NAA10: variants seen among roughly 807,000 people sequenced by gnomAD.
The protein encoded by NAA10 is N-alpha-acetyltransferase 10, NatA catalytic subunit, also known as N-alpha-acetyltransferase 10.
Under a neutral mutation model 19.2 loss-of-function variants are expected in NAA10, and 6 were observed. That is an observed-to-expected ratio of 0.31 (90% CI 0.17 to 0.62). NAA10 has a LOEUF of 0.62. NAA10 is among the 20% of genes least tolerant of loss of function. The pLI, the probability that NAA10 is intolerant of heterozygous loss-of-function variation, is 0.83. For missense variants in NAA10, 101 were observed against 198.4 expected, an observed-to-expected ratio of 0.51 and a Z score of 2.95; for synonymous variants, 97 against 79.9, an observed-to-expected ratio of 1.21 and a Z score of -1.14.
chrX:153,933,766 G>A, intron 3 of NAA10, 177 bp downstream of exon 3: 1 of 440,940 alleles, frequency 2.3e-6, no homozygotes, highest in East Asian at 3.6e-5. Flanking sequence ...TACTAACAGA[G>A]GAAGCTGGCA....
intron 1 of NAA10, 35 bp downstream of exon 1, chrX:153,934,849 C>G: frequency 1.0e-6 from 1 of 990,664 alleles, no homozygotes. Flanking sequence ...CCGGCGCCCA[C>G]GCGGCGCGGA....
rs2148537313 is a variant in NAA10, at chrX:153,935,008, G to A, written c.-104C>T. The A allele has an allele frequency of 2.6e-6, 2 of 779,810 alleles. No individual in the cohort carries two copies. The highest frequency in any genetic ancestry group is 6.4e-5 in the South Asian group (1 of 15,668). The allele number at this position is 779,810 out of a possible 1,213,427, so 64.3% of individuals were successfully genotyped here. On this transcript the variant is annotated 5_prime_UTR_variant, in exon 1 of 8. Coordinates refer to ENST00000464845, the MANE Select transcript of NAA10 (RefSeq NM_003491.4). ...ACGGCCGGGGCTGGGACCGGAGCTG[G>A]GCTCGCTGGGCGACGGCGGAAGGGG...
chrX:153,933,840 C>T, intron 3 of NAA10, 103 bp downstream of exon 3: 2 of 743,454 alleles, frequency 2.7e-6, no homozygotes, highest in Non-Finnish European at 4.1e-6. Context: ...TTTCTATAAA[C>T]TTTCAACTGT....
intron 3 of NAA10, 23 bp from the exon 4 acceptor site, chrX:153,932,607 C>T: frequency 1.7e-6 from 2 of 1,192,579 alleles, no homozygotes; most frequent in Non-Finnish European, 2.3e-6. Flanking sequence ...AAAGGAGAGG[C>T]TGCAAAGGAG....
At position 153,934,040 on chromosome X, in the gene NAA10, G is replaced by C. The variant is rs782707014; in HGVS notation, c.121-39C>G. 9.8e-6 allele frequency: 11 copies of C among 1,125,139 alleles called. No individual in the cohort carries two copies. In the South Asian group the frequency reaches 2.0e-4, roughly 20 times the overall value. 92.7% of individuals were successfully genotyped at this position (1,125,139 alleles called of 1,213,427 possible). A position where few individuals can be genotyped will look rare whatever the true frequency, so the allele number is the denominator to read the frequency against. ...AACAGAGTGAGAAAACTTCTTGTCG[G>C]AGCTAGAAGAGCCCTTTAGAGGGAC... On this transcript the variant is annotated intron_variant, in intron 2 of 7. Coordinates refer to ENST00000464845, the MANE Select transcript of NAA10 (RefSeq NM_003491.4).
chrX:153,931,677 C>T (rs1557501), intron 6 of NAA10: 216,993 of 885,635 alleles, frequency 0.25, 26,364 homozygotes, highest in East Asian at 0.72. Flanking sequence ...GCATTCTCCT[C>T]GATTCTGCTC....
chrX:153,931,530 C>CT (rs1480681913), intron 6 of NAA10: 4 of 800,383 alleles, frequency 5.0e-6, no homozygotes, highest in Non-Finnish European at 6.0e-6. Context: ...CTTGCAAGCA[C>CT]TTTTTTCCAC....
At chrX:153,933,486 C>A (rs1269741480) in intron 3 of NAA10, among the ~76,000 whole-genome samples, 1 of 111,628 alleles carries the variant, frequency 9.0e-6, no homozygotes, top group Non-Finnish European at 1.9e-5. Flanking sequence ...GCCTGGCCAA[C>A]GTAGTGAAAC....
chrX:153,934,528 C>A, intron 1 of NAA10, 53 bp from the exon 2 acceptor site: 1 of 971,029 alleles, frequency 1.0e-6, no homozygotes, highest in East Asian at 3.3e-5. Flanking sequence ...GCGGTGACCA[C>A]GGGTGAGAAG....
intron 3 of NAA10, chrX:153,933,626 CA>C (rs2065179406): frequency 6.2e-6 from 1 of 162,089 alleles, no homozygotes; most frequent in South Asian, 1.6e-4. Flanking sequence ...GAGCCAAGAT[CA>C]CGCGACTGCA....
At chrX:153,931,654 C>T (rs2065167223) in intron 6 of NAA10, 1 of 862,576 alleles carries the variant, frequency 1.2e-6, no homozygotes, top group Non-Finnish European at 1.4e-6. Flanking sequence ...ACTGGCCCTT[C>T]CTTCCTGAAT....
In NAA10 at chrX:153,933,972, C is replaced by G; in HGVS notation, c.150G>C (p.Gly50=). 2 of 1,211,240 alleles carry G rather than the reference C, an allele frequency of 1.7e-6. No individual in the cohort carries two copies. The highest frequency in any genetic ancestry group is 2.2e-6 in the Non-Finnish European group (2 of 895,092). ...QLSYIAEDEN[G]KIVGYVLAKM... ...TGGCCAGGACATACCCCACAATCTT[C>G]CCATTCTCGTCCTCAGCAATGTAAG... Residue 50 remains glycine, a synonymous_variant, in exon 3 of 8, where the codon GGG becomes GGC. Coordinates refer to ENST00000464845, the MANE Select transcript of NAA10 (RefSeq NM_003491.4).
At chrX:153,934,751 C>T (rs1354447709) in intron 1 of NAA10, 133 bp downstream of exon 1, 6 of 774,935 alleles carry the variant, frequency 7.7e-6, no homozygotes, top group African/African-American at 4.3e-5. Context: ...TGGGCCAGCC[C>T]CATAGGTCCA....
rs1021665934 is a variant in NAA10 at position 153,931,978 on chromosome X, C to A, written c.386+93G>T. The A allele has an allele frequency of 2.5e-6, 3 of 1,208,126 alleles. No individual in the cohort carries two copies. The African/African-American group carries it at 5.2e-5, about 21-fold the overall frequency. On this transcript the variant is annotated intron_variant, in intron 6 of 7. Transcript: ENST00000464845. ...CTCTTCCCCACAGCCGGCCCACCCC[C>A]GACCTGGAAGGCAACTCAGCCGGTC...
chrX:153,931,250 C>T, intron 6 of NAA10: 1 of 912,379 alleles, frequency 1.1e-6, no homozygotes, highest in Admixed American at 4.9e-5. Flanking sequence ...CTACACTGGG[C>T]AGGTGTGTGT....
rs1029798226 is a variant in NAA10 at position 153,929,730 on chromosome X, A to G, written c.*257T>C. 3 of 417,853 alleles carry G rather than the reference A, an allele frequency of 7.2e-6. No individual in the cohort carries two copies. Among genetic ancestry groups the G allele is most frequent in the Non-Finnish European group, 1.3e-5 (3 of 239,716 alleles). 34.4% of individuals were successfully genotyped at this position (417,853 alleles called of 1,213,427 possible). A position where few individuals can be genotyped will look rare whatever the true frequency, so the allele number is the denominator to read the frequency against. On this transcript the variant is annotated 3_prime_UTR_variant, in exon 8 of 8. Coordinates refer to ENST00000464845, the MANE Select transcript of NAA10 (RefSeq NM_003491.4). ...AGACCTCCAAGGCAGGGTCTCTCCCATAAGTCCAGGGCCTCCTTCCCCGGG... is the reference window on the plus strand; with the variant it reads ...AGACCTCCAAGGCAGGGTCTCTCCCGTAAGTCCAGGGCCTCCTTCCCCGGG...
chrX:153,934,893 G>C lies in NAA10; in HGVS notation c.12C>G (p.Arg4=). 9.9e-7 allele frequency: 1 copy of C among 1,010,032 alleles called. No individual in the cohort carries two copies. The highest frequency in any genetic ancestry group is 1.3e-6 in the Non-Finnish European group (1 of 789,640). 83.2% of individuals were successfully genotyped at this position (1,010,032 alleles called of 1,213,427 possible). A position where few individuals can be genotyped will look rare whatever the true frequency, so the allele number is the denominator to read the frequency against. Residue 4 remains arginine (R), a synonymous_variant, in exon 1 of 8, where the codon CGC becomes CGG. Coordinates refer to ENST00000464845, the MANE Select transcript of NAA10 (RefSeq NM_003491.4). The stretch of plus-strand genomic sequence containing the variant: ...CGCCCCGGGCGCTCACCCTCGCATT[G>C]CGGATGTTCATAACGGCGGCGGGGC... MNI[R]NARPEDLMNM... is the part of the protein sequence containing the mutation.
At chrX:153,932,276 C>G (rs375131798) in intron 5 of NAA10, 40 bp downstream of exon 5, 111 of 1,161,178 alleles carry the variant, frequency 9.6e-5, no homozygotes, top group Middle Eastern at 2.8e-4. Context: ...AAGGCAGTAT[C>G]TCTCCCCCTC....
intron 1 of NAA10, 25 bp from the exon 2 acceptor site, chrX:153,934,500 C>T (rs944832350): frequency 1.3e-5 from 15 of 1,125,678 alleles, no homozygotes; most frequent in Non-Finnish European, 1.8e-5. Flanking sequence ...GGCAGTGGAA[C>T]GCGCTCAGTC....
Sources: allele counts gnomAD v4.1 joint callset (sites outside exome capture counted in the v4.1 genomes callset), GRCh38; gene constraint gnomAD v4.1.1; transcripts MANE v1.5; gene names NCBI Gene and HGNC (gene_info 2026-07-23, HGNC 2026-07-21).